The following FOXO1 variants were observed in gnomAD, a reference collection of about 807,000 sequenced individuals.
The protein encoded by FOXO1 is forkhead box O1.
FOXO1 carries 6 observed loss-of-function variants against 44.1 expected under a neutral mutation model. The observed-to-expected ratio is 0.14, with a 90% CI of 0.07 to 0.27. The LOEUF (loss-of-function observed/expected upper bound fraction) is 0.27. FOXO1 is among the 10% of genes least tolerant of loss of function. The pLI, the probability that FOXO1 is intolerant of heterozygous loss-of-function variation, is 1.00. For synonymous variants in FOXO1, 380 were observed against 362.7 expected (o/e 1.05, Z -0.54); for missense variants, 737 against 888.8 (o/e 0.83, Z 2.17).
chr13:40,602,479 T>C (rs1278527723), intron 1 of FOXO1, among the ~76,000 whole-genome samples: 1 of 152,174 alleles, frequency 6.6e-6, no homozygotes, highest in Non-Finnish European at 1.5e-5. Context: ...CCTTAGGGGA[T>C]TAAATGTGGA....
At chr13:40,621,233 AT>A in intron 1 of FOXO1, 1 of 744,806 alleles carries the variant, frequency 1.3e-6, no homozygotes, top group Non-Finnish European at 2.2e-6. Context: ...AGCTCAGGCA[AT>A]TACCTTGCAG....
At chr13:40,634,205 C>T (rs897954139) in intron 1 of FOXO1, among the ~76,000 whole-genome samples, 5 of 152,184 alleles carry the variant, frequency 3.3e-5, no homozygotes, top group Admixed American at 6.5e-5. Context: ...AAACTGCCCA[C>T]GACAAATTCC....
chr13:40,582,129 A>G (rs1874978279), intron 1 of FOXO1, among the ~76,000 whole-genome samples: 1 of 152,248 alleles, frequency 6.6e-6, no homozygotes, highest in South Asian at 2.1e-4. Flanking sequence ...AATAAAGCAA[A>G]TATCACAATA....
intron 1 of FOXO1, among the ~76,000 whole-genome samples, chr13:40,603,179 G>A (rs1024311210): frequency 6.6e-6 from 1 of 152,058 alleles, no homozygotes; most frequent in Non-Finnish European, 1.5e-5. Context: ...ACATGCTTAA[G>A]ATAAATCTTA....
At chr13:40,607,816 T>C (rs1435133080) in intron 1 of FOXO1, among the ~76,000 whole-genome samples, 2 of 152,244 alleles carry the variant, frequency 1.3e-5, no homozygotes, top group African/African-American at 4.8e-5. Flanking sequence ...TAGAAAGAAC[T>C]AAGGAGACGG....
At position 40,654,968 on chromosome 13, in the gene FOXO1, A is replaced by G. The variant is rs1005909576; in HGVS notation, c.630+10615T>C. ...AAGTTGAAGGATGAAGATGTTTTAT[A>G]TAATATCTTTACTTACAAAAATTAA... On this transcript the variant is annotated intron_variant, in intron 1 of 2. Transcript: ENST00000379561. Among the ~76,000 whole-genome samples the G allele has an allele frequency of 1.2e-4, 18 of 152,186 alleles. No homozygotes were observed. In the South Asian group the frequency reaches 1.9e-3, roughly 16 times the overall value.
chr13:40,615,528 AATACATACATACATACATACATACATAC>A (rs56390235), intron 1 of FOXO1, among the ~76,000 whole-genome samples: 1 of 139,706 alleles, frequency 7.2e-6, no homozygotes, highest in East Asian at 2.1e-4. Context: ...CTCCATCTCA[AATACATACATACATACATACATACATAC>A]ATACATACAT....
intron 1 of FOXO1, among the ~76,000 whole-genome samples, chr13:40,630,414 G>C (rs1421159419): frequency 2.6e-5 from 4 of 152,108 alleles, no homozygotes; most frequent in African/African-American, 9.7e-5. Flanking sequence ...TAGCATGCTG[G>C]GAGGCCAAGG....
intron 1 of FOXO1, among the ~76,000 whole-genome samples, chr13:40,614,387 T>C (rs2137894283): frequency 6.6e-6 from 1 of 152,338 alleles, no homozygotes; most frequent in African/African-American, 2.4e-5. Context: ...TGCAACACAA[T>C]GGCACCATAT....
chr13:40,662,170 C>CAA lies in FOXO1; in HGVS notation c.630+3411_630+3412dup, dbSNP rs57350461. On this transcript the variant is annotated intron_variant, in intron 1 of 2. Coordinates refer to ENST00000379561, the MANE Select transcript of FOXO1 (RefSeq NM_002015.4). Reference sequence around the variant, plus strand: ...TGGGCAACAGAGTGAGACTCTGACTCAAAAAAAAAAAAAAAAAAAAAAAAA... The same window carrying CAA: ...TGGGCAACAGAGTGAGACTCTGACTCAAAAAAAAAAAAAAAAAAAAAAAAAAA... 4.9e-4 allele frequency among the ~76,000 whole-genome samples: 28 copies of CAA among 56,710 alleles called. 1 individual carries two copies. The highest frequency in any genetic ancestry group is 4.7e-4 in the African/African-American group (8 of 16,872). The allele number at this position is 56,710 out of a possible 152,430, so 37.2% of individuals were successfully genotyped here. A position where few individuals can be genotyped will look rare whatever the true frequency, so the allele number is the denominator to read the frequency against.
intron 1 of FOXO1, among the ~76,000 whole-genome samples, chr13:40,586,252 G>C (rs1445828802): frequency 2.0e-5 from 3 of 152,212 alleles, no homozygotes; most frequent in African/African-American, 7.2e-5. Context: ...GTGTGCATAT[G>C]TGCACTGAGT....
intron 1 of FOXO1, among the ~76,000 whole-genome samples, chr13:40,575,469 C>T (rs1019751903): frequency 6.6e-6 from 1 of 152,134 alleles, no homozygotes. Context: ...TCTCAAAGGA[C>T]CCTGTGTCAG....
chr13:40,598,045 T>C (rs2137875075), intron 1 of FOXO1, among the ~76,000 whole-genome samples: 1 of 152,220 alleles, frequency 6.6e-6, no homozygotes, highest in Non-Finnish European at 1.5e-5. Flanking sequence ...CTTTTCTCAG[T>C]TTCAAATCAT....
At chr13:40,648,926 A>G (rs1877592189) in intron 1 of FOXO1, among the ~76,000 whole-genome samples, 1 of 152,224 alleles carries the variant, frequency 6.6e-6, no homozygotes. Flanking sequence ...ACAAGTCATT[A>G]TGCTCTAATC....
At chr13:40,633,819 G>A (rs1256363048) in intron 1 of FOXO1, among the ~76,000 whole-genome samples, 2 of 152,120 alleles carry the variant, frequency 1.3e-5, no homozygotes, top group African/African-American at 4.8e-5. Context: ...CATACTAAAA[G>A]ATACATAGTC....
chr13:40,609,887 C>T (rs1876167838), intron 1 of FOXO1, among the ~76,000 whole-genome samples: 1 of 152,118 alleles, frequency 6.6e-6, no homozygotes, highest in African/African-American at 2.4e-5. Flanking sequence ...GTACCTGTGA[C>T]TTTGACACCA....
At chr13:40,648,064 T>C (rs1292287131) in intron 1 of FOXO1, among the ~76,000 whole-genome samples, 1 of 152,204 alleles carries the variant, frequency 6.6e-6, no homozygotes, top group East Asian at 1.9e-4. Context: ...CACCAGTGCA[T>C]AAGAAAATAC....
chr13:40,585,372 C>CACAG (rs1339206632), intron 1 of FOXO1, among the ~76,000 whole-genome samples: 170 of 151,984 alleles, frequency 1.1e-3, no homozygotes, highest in African/African-American at 3.8e-3. Flanking sequence ...CACACACACA[C>CACAG]AGCCAACTTC....
At chr13:40,580,551 T>G (rs1874916710) in intron 1 of FOXO1, among the ~76,000 whole-genome samples, 1 of 152,106 alleles carries the variant, frequency 6.6e-6, no homozygotes, top group Non-Finnish European at 1.5e-5. Flanking sequence ...TCCAAAGCAT[T>G]TTTGTAAGGA....
Sources: gnomAD v4.1 joint callset for allele counts (sites outside exome capture counted in the v4.1 genomes callset) on GRCh38, gnomAD v4.1.1 for gene constraint, MANE v1.5 for transcripts, NCBI Gene and HGNC (gene_info 2026-07-23, HGNC 2026-07-21) for gene names.